The following LAMA5 variants were observed in gnomAD, a reference collection of about 807,000 sequenced individuals.
LAMA5 encodes the protein laminin subunit alpha-5.
Under a neutral mutation model 433.4 loss-of-function variants are expected in LAMA5, and 260 were observed. The observed-to-expected ratio is 0.60, with a 90% CI of 0.54 to 0.66. The LOEUF is 0.66. Ranked by LOEUF, LAMA5 falls within the 30% of genes least tolerant of loss-of-function variation. The probability of loss-of-function intolerance (pLI) is 0.00; values close to 1 mark genes in which losing one functional copy is unlikely to be tolerated. For missense variants in LAMA5, 5,378 were observed against 5,258.5 expected, an observed-to-expected ratio of 1.02 and a Z score of -0.70; for synonymous variants, 2,620 against 2,226.6, an observed-to-expected ratio of 1.18 and a Z score of -4.97.
chr20:62,330,803 TC>T lies in LAMA5; in HGVS notation c.3791del (p.Arg1264HisfsTer91). ...LTPAMSPAGP[R>X]PRPPTAVDPD... ...GGTCCACAGCGGTGGGGGGCCGAGG[TC>T]GGGGTCCAGCTGGGGACATGGCTGG... On this transcript the variant is annotated frameshift_variant, in exon 30 of 80. Coordinates refer to ENST00000252999, the MANE Select transcript of LAMA5 (RefSeq NM_005560.6). LOFTEE classifies it high-confidence loss of function. The T allele has an allele frequency of 6.4e-7, 1 of 1,557,756 alleles. No individual in the cohort carries two copies. Among genetic ancestry groups the T allele is most frequent in the Non-Finnish European group, 8.7e-7 (1 of 1,152,318 alleles).
intron 1 of LAMA5, among the ~76,000 whole-genome samples, chr20:62,366,495 G>T (rs1986740393): frequency 6.6e-6 from 1 of 152,202 alleles, no homozygotes; most frequent in Non-Finnish European, 1.5e-5. Context: ...CTCCGAGAGG[G>T]GCTAGTGGGA....
rs577910375 is a variant in LAMA5 at position 62,313,629 on chromosome 20, C to A, written c.8658+20G>T. On this transcript the variant is annotated intron_variant, in intron 63 of 79. Coordinates refer to ENST00000252999, the MANE Select transcript of LAMA5 (RefSeq NM_005560.6). The stretch of plus-strand genomic sequence containing the variant: ...GGCTGCGGAGCCCCTCCCAGGCTGC[C>A]CCAGGCCGGGCGGGCTCACCGTGAA... 3.7e-6 allele frequency: 6 copies of A among 1,611,704 alleles called. No homozygotes were observed. The highest frequency in any genetic ancestry group is 1.3e-5 in the African/African-American group (1 of 75,032).
Position 62,327,855 on chromosome 20 carries a change from C to A in LAMA5, c.4797+11G>T. ...AGGGAGAGGCCAGATCTGGGCCCAGCCCTCACTCACCTTACAGTAGCACTG... is the reference window on the plus strand; with the variant it reads ...AGGGAGAGGCCAGATCTGGGCCCAGACCTCACTCACCTTACAGTAGCACTG... On this transcript the variant is annotated intron_variant, in intron 36 of 79. Transcript: ENST00000252999. 1 of 1,600,304 alleles carries A rather than the reference C, an allele frequency of 6.2e-7. No individual in the cohort carries two copies. The highest frequency in any genetic ancestry group is 8.5e-7 in the Non-Finnish European group (1 of 1,173,326).
Position 62,322,278 on chromosome 20 carries a change from C to T in LAMA5, c.6337G>A (p.Gly2113Ser). Residue 2113 changes from glycine to serine, a missense_variant, in exon 47 of 80, where the codon GGC (glycine) becomes AGC (serine). Coordinates refer to ENST00000252999, the MANE Select transcript of LAMA5 (RefSeq NM_005560.6). ...ACCGGCCAGCACTCACGCCTGCAGC[C>T]CTGCTCAGGGAGCCCCCAGTAGCCA... ...APGYWGLPEQ[G>S]CRRCQCPGGR... 6.3e-7 allele frequency: 1 copy of T among 1,597,118 alleles called. No individual in the cohort carries two copies. Among genetic ancestry groups the T allele is most frequent in the Non-Finnish European group, 8.5e-7 (1 of 1,174,786 alleles).
At position 62,313,202 on chromosome 20, in the gene LAMA5, G is replaced by A. The variant is rs753153265; in HGVS notation, c.8841C>T (p.Asp2947=). ...DPWLTDGSYL[D]GTGFARISFD... ...AGCTGATGCGGGCGAAGCCGGTGCC[G>A]TCCAGGTAGGAGCCGTCCGTGAGCC... Residue 2947 remains aspartate, a synonymous_variant, in exon 65 of 80, where the codon GAC becomes GAT. Coordinates refer to ENST00000252999, the MANE Select transcript of LAMA5 (RefSeq NM_005560.6). The A allele has an allele frequency of 2.4e-5, 37 of 1,559,944 alleles. No individual in the cohort carries two copies. The highest frequency in any genetic ancestry group is 1.1e-4 in the Admixed American group (6 of 52,368).
In LAMA5 at chr20:62,329,859, C is replaced by T. The variant is rs371144423; in HGVS notation, c.4037G>A (p.Cys1346Tyr). The T allele has an allele frequency of 4.3e-5, 70 of 1,612,352 alleles. No individual in the cohort carries two copies. In the Middle Eastern group the frequency reaches 2.5e-3, roughly 57 times the overall value. ...HGYGCRTLVVCEGQALLDVTH... is the reference protein window; with the variant it reads ...HGYGCRTLVVYEGQALLDVTH... ...CACGTCCAGCAGGGCCTGGCCCTCA[C>T]ACACCACCAGGGTGCGGCAGCCGTA... The change falls in exon 32 of 80, where the codon TGT (cysteine) becomes TAT (tyrosine). Residue 1346 changes from cysteine to tyrosine, a missense_variant. Physicochemically the swap from Cys to Tyr is radical, Grantham distance 194 (BLOSUM62 -2). Coordinates refer to ENST00000252999, the MANE Select transcript of LAMA5 (RefSeq NM_005560.6).
chr20:62,334,726 G>A, intron 20 of LAMA5, 105 bp from the exon 21 acceptor site: 2 of 615,792 alleles, frequency 3.2e-6, no homozygotes, highest in African/African-American at 2.6e-5. Context: ...CTGGATGATG[G>A]AGAGTCAGGG....
At chr20:62,339,592 A>G (rs1429809865) in intron 11 of LAMA5, among the ~76,000 whole-genome samples, 1 of 143,800 alleles carries the variant, frequency 7.0e-6, no homozygotes, top group Non-Finnish European at 1.5e-5. Flanking sequence ...CTTACGCATG[A>G]AAGGAGGGTT....
intron 11 of LAMA5, among the ~76,000 whole-genome samples, chr20:62,340,525 C>T (rs565647793): frequency 2.9e-3 from 437 of 151,008 alleles, no homozygotes; most frequent in African/African-American, 9.9e-3. Context: ...TGGTCAGGCT[C>T]GTCTCGAACT....
At chr20:62,313,606 C>T (rs768800177) in intron 63 of LAMA5, 43 bp downstream of exon 63, 1 of 1,607,086 alleles carries the variant, frequency 6.2e-7, no homozygotes, top group South Asian at 1.1e-5. Context: ...CGACTCGGGG[C>T]TGCGGAGCCC....
At chr20:62,343,988 T>C (rs1341316305) in intron 11 of LAMA5, among the ~76,000 whole-genome samples, 1 of 151,510 alleles carries the variant, frequency 6.6e-6, no homozygotes, top group East Asian at 2.0e-4. Context: ...CTACTAAAAA[T>C]ACAAAATTAG....
At chr20:62,329,965 A>G in intron 31 of LAMA5, 49 bp from the exon 32 acceptor site, 1 of 1,592,922 alleles carries the variant, frequency 6.3e-7, no homozygotes, top group South Asian at 1.1e-5. Flanking sequence ...TAGCGCCCCC[A>G]AGACACCCAG....
Position 62,352,227 on chromosome 20 carries a change from C to G in LAMA5, c.687+15G>C. 3.1e-6 allele frequency: 5 copies of G among 1,594,182 alleles called. No homozygotes were observed. The highest frequency in any genetic ancestry group is 3.4e-6 in the Non-Finnish European group (4 of 1,176,016). On this transcript the variant is annotated intron_variant, in intron 4 of 79. Coordinates refer to ENST00000252999, the MANE Select transcript of LAMA5 (RefSeq NM_005560.6). ...TTCTCCAGCCCCCGTACCGCCCTGC[C>G]CCTCCCCGGCCCACCTCTCCGTTCT...
In LAMA5 at chr20:62,329,183, G is replaced by A; in HGVS notation, c.4190C>T (p.Ser1397Phe). The A allele has an allele frequency of 6.2e-7, 1 of 1,612,912 alleles. No homozygotes were observed. Residue 1397 changes from serine (S) to phenylalanine (F), a missense_variant, in exon 33 of 80, where the codon TCC (serine) becomes TTC (phenylalanine). Ser to Phe is a radical substitution (Grantham distance 155, BLOSUM62 -2). Transcript: ENST00000252999. ...GYLREEPLDK[S>F]YDFISHCAAQ... ...TGCGCAGTGGCTGATGAAGTCATAG[G>A]ATTTATCCAGGGGCTCCTCCCGGAG...
rs1986239612 is a variant in LAMA5 at position 62,311,271 on chromosome 20, C to G, written c.9979G>C (p.Ala3327Pro). Residue 3327 changes from alanine to proline, a missense_variant, in exon 73 of 80, where the codon GCC becomes CCC. Coordinates refer to ENST00000252999, the MANE Select transcript of LAMA5 (RefSeq NM_005560.6). Reference protein sequence around the residue: ...RRSRQPARHPACMLPPHLRTT... With the variant: ...RRSRQPARHPPCMLPPHLRTT... Reference sequence around the variant, plus strand: ...CTGAGGTGTGGGGGCAGCATGCAGGCAGGATGCCGGGCGGGCTGACGGCTG... The same window carrying G: ...CTGAGGTGTGGGGGCAGCATGCAGGGAGGATGCCGGGCGGGCTGACGGCTG... The G allele has an allele frequency of 6.2e-7, 1 of 1,601,508 alleles. No homozygotes were observed. Among genetic ancestry groups the G allele is most frequent in the Non-Finnish European group, 8.5e-7 (1 of 1,175,620 alleles).
chr20:62,332,039 G>A (rs1372003667), intron 28 of LAMA5, among the ~76,000 whole-genome samples: 1 of 150,222 alleles, frequency 6.7e-6, no homozygotes, highest in African/African-American at 2.5e-5. Context: ...GCGACAGAGT[G>A]AGACTCCATT....
chr20:62,362,938 CA>C (rs1460269725), intron 1 of LAMA5, among the ~76,000 whole-genome samples: 2 of 151,998 alleles, frequency 1.3e-5, no homozygotes, highest in Admixed American at 6.5e-5. Context: ...AAGAGTCTCA[CA>C]GTAAACCACA....
chr20:62,348,995 C>T (rs759124858), intron 6 of LAMA5, among the ~76,000 whole-genome samples: 11 of 152,170 alleles, frequency 7.2e-5, no homozygotes, highest in Admixed American at 3.3e-4. Context: ...CATGGCCAGG[C>T]GCAGTGGCTC....
At position 62,337,593 on chromosome 20, in the gene LAMA5, C is replaced by T. The variant is rs1430875856; in HGVS notation, c.2161G>A (p.Glu721Lys). Reference protein sequence around the residue: ...VPGAYNFPYCEAGSCHPAGLA... With the variant: ...VPGAYNFPYCKAGSCHPAGLA... ...ACACAGCCACCTGCCTGCTCACCTT[C>T]GCAGTAGGGGAAGTTGTAGGCACCG... Residue 721 changes from glutamate to lysine, a missense_variant, in exon 16 of 80, where the codon GAA (glutamate) becomes AAA (lysine). Physicochemically the swap from Glu to Lys is moderately conservative, Grantham distance 56. Coordinates refer to ENST00000252999, the MANE Select transcript of LAMA5 (RefSeq NM_005560.6). 8 of 1,604,238 alleles carry T rather than the reference C, an allele frequency of 5.0e-6. No individual in the cohort carries two copies. The highest frequency in any genetic ancestry group is 1.8e-4 in the Middle Eastern group (1 of 5,682).
Sources: gnomAD v4.1 joint callset for allele counts (sites outside exome capture counted in the v4.1 genomes callset) on GRCh38, gnomAD v4.1.1 for gene constraint, MANE v1.5 for transcripts, NCBI Gene and HGNC (gene_info 2026-07-23, HGNC 2026-07-21) for gene names.